The following ROBO2 variants were observed in gnomAD, a reference collection of about 807,000 sequenced individuals.
The protein encoded by ROBO2 is roundabout guidance receptor 2, also known as roundabout homolog 2.
Under a neutral mutation model 160.8 loss-of-function variants are expected in ROBO2, and 53 were observed. The observed-to-expected ratio is 0.33, with a 90% CI of 0.26 to 0.41. The LOEUF is 0.41. Among genes scored for constraint, ROBO2 ranks in the 10% least tolerant of loss-of-function variants. ROBO2 has a pLI of 1.00. For missense variants in ROBO2, 1,577 were observed against 1,722.4 expected (o/e 0.92, Z 1.49); for synonymous variants, 664 against 611.7 (o/e 1.09, Z -1.26).
chr3:77,643,926 A>G (rs541366313), intron 24 of ROBO2, among the ~76,000 whole-genome samples: 1 of 152,174 alleles, frequency 6.6e-6, no homozygotes, highest in Non-Finnish European at 1.5e-5. Context: ...AGACTATGTA[A>G]GGGGAGAAAT....
chr3:77,644,540 A>G (rs750722729), intron 24 of ROBO2, among the ~76,000 whole-genome samples, 164 bp from the exon 27 acceptor site: 53 of 152,238 alleles, frequency 3.5e-4, no homozygotes, highest in Non-Finnish European at 2.4e-4. Flanking sequence ...GCTTGCACAT[A>G]GAAATTTCTT....
chr3:76,356,615 C>G (rs955301077), intron 2 of ROBO2, among the ~76,000 whole-genome samples: 25 of 151,608 alleles, frequency 1.6e-4, no homozygotes, highest in African/African-American at 6.0e-4. Flanking sequence ...CATATTTTTA[C>G]CTGATAACAG....
intron 6 of ROBO2, among the ~76,000 whole-genome samples, chr3:77,533,313 A>G (rs1244631524): frequency 6.6e-6 from 1 of 152,040 alleles, no homozygotes; most frequent in Non-Finnish European, 1.5e-5. Flanking sequence ...CAGGTGTGTC[A>G]GTTTTCTATT....
chr3:76,788,265 C>A (rs1173571341), intron 2 of ROBO2, among the ~76,000 whole-genome samples: 1 of 151,368 alleles, frequency 6.6e-6, no homozygotes, highest in Non-Finnish European at 1.5e-5. Context: ...TAGCAGTCTA[C>A]CTCTACTTGA....
intron 2 of ROBO2, among the ~76,000 whole-genome samples, chr3:76,630,758 A>C: frequency 6.6e-6 from 1 of 152,238 alleles, no homozygotes. Context: ...TTTAAAAAAT[A>C]AATGTTTTTT....
At chr3:77,448,356 A>T (rs1188813567) in intron 2 of ROBO2, among the ~76,000 whole-genome samples, 2 of 152,148 alleles carry the variant, frequency 1.3e-5, no homozygotes, top group Non-Finnish European at 2.9e-5. Context: ...TACAAATGTA[A>T]ACAAGGCCAC....
At chr3:76,481,861 G>A (rs1360711824) in intron 2 of ROBO2, among the ~76,000 whole-genome samples, 1 of 152,098 alleles carries the variant, frequency 6.6e-6, no homozygotes, top group Non-Finnish European at 1.5e-5. Flanking sequence ...AGACCCTGAA[G>A]ATCTCCCCAA....
At chr3:77,382,418 T>A (rs2073620741) in intron 2 of ROBO2, among the ~76,000 whole-genome samples, 1 of 152,118 alleles carries the variant, frequency 6.6e-6, no homozygotes, top group Non-Finnish European at 1.5e-5. Flanking sequence ...TCTTCTTCTT[T>A]TTTGTAATTT....
At chr3:76,199,512 A>G (rs768813489) in intron 2 of ROBO2, among the ~76,000 whole-genome samples, 1 of 152,128 alleles carries the variant, frequency 6.6e-6, no homozygotes, top group Non-Finnish European at 1.5e-5. Context: ...AGCTGCCACA[A>G]AATAACCCCG....
At chr3:76,187,957 C>T (rs1345957592) in intron 2 of ROBO2, among the ~76,000 whole-genome samples, 2 of 152,112 alleles carry the variant, frequency 1.3e-5, no homozygotes. Flanking sequence ...ATAATATGGA[C>T]ACTACATAAT....
chr3:77,617,382 G>A, intron 21 of ROBO2, 131 bp from the exon 23 acceptor site: 1 of 1,007,406 alleles, frequency 9.9e-7, no homozygotes. Context: ...GACACCAACA[G>A]CTTCAGGAAG....
At chr3:76,163,173 CTAA>C (rs2072703167) in intron 2 of ROBO2, among the ~76,000 whole-genome samples, 1 of 151,970 alleles carries the variant, frequency 6.6e-6, no homozygotes, top group Non-Finnish European at 1.5e-5. Context: ...CCTAGGAAAT[CTAA>C]TATTGAAACT....
intron 2 of ROBO2, among the ~76,000 whole-genome samples, chr3:76,136,398 G>A (rs2071431196): frequency 6.6e-6 from 1 of 151,986 alleles, no homozygotes; most frequent in African/African-American, 2.4e-5. Flanking sequence ...AATTGCTGTT[G>A]GTAACAAAAA....
chr3:77,248,970 C>T (rs867372453), intron 2 of ROBO2, among the ~76,000 whole-genome samples: 13 of 152,042 alleles, frequency 8.6e-5, no homozygotes, highest in South Asian at 2.1e-4. Context: ...CTCCACCGCC[C>T]GGGTTCAAGC....
intron 2 of ROBO2, among the ~76,000 whole-genome samples, chr3:76,700,124 A>T (rs1377469613): frequency 6.6e-6 from 1 of 150,760 alleles, no homozygotes; most frequent in Non-Finnish European, 1.5e-5. Flanking sequence ...CAATCCTCAC[A>T]CTCCTCTGCA....
intron 2 of ROBO2, among the ~76,000 whole-genome samples, chr3:76,460,925 A>G (rs1299377748): frequency 1.3e-5 from 2 of 152,226 alleles, no homozygotes; most frequent in African/African-American, 2.4e-5. Context: ...CTAAATAAAT[A>G]GAACTATGGA....
At chr3:77,436,565 A>G (rs7431536) in intron 2 of ROBO2, among the ~76,000 whole-genome samples, 22,950 of 151,750 alleles carry the variant, frequency 0.15, 2,194 homozygotes, top group East Asian at 0.4. Flanking sequence ...TGTTTTATGA[A>G]TTGTTCAAGT....
chr3:76,440,078 C>T lies in ROBO2; in HGVS notation c.109+502476C>T, dbSNP rs192239194. Among the ~76,000 whole-genome samples the T allele has an allele frequency of 1.1e-3, 162 of 152,154 alleles. 2 individuals are homozygous for T. In the South Asian group the frequency reaches 0.012, roughly 11 times the overall value. On this transcript the variant is annotated intron_variant, in intron 2 of 26. Coordinates refer to the ROBO2 transcript ENST00000487694. Reference sequence around the variant, plus strand: ...TGCATTCTGGGGAACTCTGAACTACCATGGATGAATCCTGTCTCTCCTGCT... The same window carrying T: ...TGCATTCTGGGGAACTCTGAACTACTATGGATGAATCCTGTCTCTCCTGCT...
upstream of ROBO2, among the ~76,000 whole-genome samples, chr3:77,039,640 T>TC (rs1578438134): frequency 1.3e-5 from 2 of 151,570 alleles, no homozygotes; most frequent in South Asian, 4.2e-4. Flanking sequence ...TTCATCTCCG[T>TC]CCCCCCGGGG....
Sources: gnomAD v4.1 joint callset for allele counts (sites outside exome capture counted in the v4.1 genomes callset) on GRCh38, gnomAD v4.1.1 for gene constraint, MANE v1.5 for transcripts, NCBI Gene and HGNC (gene_info 2026-07-23, HGNC 2026-07-21) for gene names.